Variants in AFAP1 observed in about 807,000 individuals in gnomAD.
AFAP1 encodes actin filament associated protein 1.
AFAP1 carries 75 observed loss-of-function variants against 93.9 expected under a neutral mutation model. That is an observed-to-expected ratio of 0.80 (90% CI 0.66 to 0.97). The LOEUF is 0.97. Among genes scored for constraint, AFAP1 ranks in the 50% least tolerant of loss-of-function variants. The pLI is 0.00. For missense variants in AFAP1, 1,201 were observed against 1,050.8 expected, an observed-to-expected ratio of 1.14 and a Z score of -1.98; for synonymous variants, 517 against 430.7, an observed-to-expected ratio of 1.20 and a Z score of -2.48.
chr4:7,851,734 T>C (rs1307732603), intron 4 of AFAP1, among the ~76,000 whole-genome samples: 1 of 152,180 alleles, frequency 6.6e-6, no homozygotes, highest in Non-Finnish European at 1.5e-5. Context: ...CCGAGTACCC[T>C]ACCTGCCAAC....
At chr4:7,920,086 G>C (rs571764778) in intron 1 of AFAP1, among the ~76,000 whole-genome samples, 4 of 152,274 alleles carry the variant, frequency 2.6e-5, no homozygotes, top group East Asian at 1.9e-4. Context: ...ACTGTGAACA[G>C]TGCTGCAATG....
In AFAP1 at chr4:7,774,748, C is replaced by T. The variant is rs1222767322; in HGVS notation, c.2053G>A (p.Val685Met). The T allele has an allele frequency of 1.4e-5, 22 of 1,614,194 alleles. No homozygotes were observed. Among genetic ancestry groups the T allele is most frequent in the Non-Finnish European group, 1.9e-5 (22 of 1,180,024 alleles). Residue 685 changes from valine (V) to methionine (M), a missense_variant, in exon 15 of 18, where the codon GTG becomes ATG. Val to Met is a conservative substitution (Grantham distance 21). Coordinates refer to ENST00000420658, the MANE Select transcript of AFAP1 (RefSeq NM_001134647.2). ...ERKDLRAAIE[V>M]NAGRKPQAIL... is the part of the protein sequence containing the mutation. ...CCCACACCCTTCATACCGGCGTTCACTTCAATAGCCGCTCGAAGGTCTTTT... is the reference window on the plus strand; with the variant it reads ...CCCACACCCTTCATACCGGCGTTCATTTCAATAGCCGCTCGAAGGTCTTTT...
chr4:7,906,789 G>A (rs1013917204), intron 1 of AFAP1, among the ~76,000 whole-genome samples: 27 of 152,236 alleles, frequency 1.8e-4, no homozygotes, highest in African/African-American at 6.3e-4. Flanking sequence ...GGGAAGCCAA[G>A]GCGGGTGGAT....
chr4:7,817,575 G>A (rs907008094), intron 7 of AFAP1, among the ~76,000 whole-genome samples: 12 of 152,010 alleles, frequency 7.9e-5, no homozygotes, highest in African/African-American at 2.9e-4. Context: ...TGGGCAACAA[G>A]GGCAAAACTC....
chr4:7,803,532 G>T (rs540643336), intron 9 of AFAP1, among the ~76,000 whole-genome samples: 14 of 152,008 alleles, frequency 9.2e-5, no homozygotes, highest in East Asian at 2.0e-4. Context: ...AACCACAGGG[G>T]ACCCGGCCCC....
intron 1 of AFAP1, among the ~76,000 whole-genome samples, chr4:7,929,171 G>T (rs888179985): frequency 6.6e-6 from 1 of 151,978 alleles, no homozygotes; most frequent in Non-Finnish European, 1.5e-5. Context: ...CCTGCCCCCT[G>T]TACAACAGCT....
Position 7,892,868 on chromosome 4 carries a change from T to C in AFAP1, c.-2-20788A>G, listed in dbSNP as rs1271920176. ...GGGAGCAGCGGGGTGGGGGATCCTATAGGAAAAAGGCGGATGAAAATACCC... is the reference window on the plus strand; with the variant it reads ...GGGAGCAGCGGGGTGGGGGATCCTACAGGAAAAAGGCGGATGAAAATACCC... On this transcript the variant is annotated intron_variant, in intron 1 of 17. Transcript: ENST00000420658. Among the ~76,000 whole-genome samples the C allele has an allele frequency of 3.3e-5, 5 of 151,652 alleles. No individual in the cohort carries two copies. In the East Asian group the frequency reaches 7.8e-4, roughly 24 times the overall value.
At chr4:7,831,866 TGTC>T (rs1711663953) in intron 6 of AFAP1, among the ~76,000 whole-genome samples, 1 of 152,176 alleles carries the variant, frequency 6.6e-6, no homozygotes, top group Non-Finnish European at 1.5e-5. Context: ...ATTCCATAAT[TGTC>T]GTTCCCTCCT....
intron 1 of AFAP1, among the ~76,000 whole-genome samples, chr4:7,901,081 C>G (rs533361833): frequency 3.9e-5 from 6 of 152,192 alleles, no homozygotes; most frequent in African/African-American, 7.2e-5. Context: ...TGTATAACAG[C>G]AAGAGTACAT....
chr4:7,797,103 A>T (rs986684524), intron 10 of AFAP1, among the ~76,000 whole-genome samples: 1 of 152,170 alleles, frequency 6.6e-6, no homozygotes, highest in Non-Finnish European at 1.5e-5. Context: ...TCCCACTGAT[A>T]TACATACATA....
At chr4:7,781,297 T>G in intron 13 of AFAP1, 79 bp downstream of exon 13, 6 of 1,498,214 alleles carry the variant, frequency 4.0e-6, no homozygotes, top group Non-Finnish European at 4.5e-6. Context: ...TGAGTCCCAT[T>G]TACTACAAGT....
intron 3 of AFAP1, among the ~76,000 whole-genome samples, chr4:7,864,628 T>C (rs1716205651): frequency 6.6e-6 from 1 of 152,148 alleles, no homozygotes. Flanking sequence ...GGCAACAGGC[T>C]CCTCCCTGGG....
At chr4:7,778,637 G>T in intron 14 of AFAP1, 125 bp downstream of exon 14, 1 of 896,440 alleles carries the variant, frequency 1.1e-6, no homozygotes, top group Non-Finnish European at 1.9e-6. Flanking sequence ...AAGGATGACG[G>T]TGCCCACCGC....
chr4:7,773,053 G>A (rs375778261), intron 15 of AFAP1, 43 bp from the exon 16 acceptor site: 14 of 1,582,110 alleles, frequency 8.8e-6, no homozygotes, highest in Non-Finnish European at 1.1e-5. Context: ...GCAGGCACAG[G>A]TTCTCCAAAC....
intron 9 of AFAP1, among the ~76,000 whole-genome samples, chr4:7,805,392 T>C (rs1440064964): frequency 6.6e-6 from 1 of 152,224 alleles, no homozygotes; most frequent in Admixed American, 6.5e-5. Context: ...CTTTCCTTTC[T>C]CTCAGTCTCT....
At chr4:7,787,843 G>A (rs1344983760) in intron 11 of AFAP1, among the ~76,000 whole-genome samples, 4 of 152,116 alleles carry the variant, frequency 2.6e-5, no homozygotes, top group Admixed American at 6.5e-5. Context: ...TCCTGCGCTC[G>A]GTCAGTCTCC....
At chr4:7,884,415 AG>A (rs1453953000) in intron 1 of AFAP1, among the ~76,000 whole-genome samples, 4 of 152,226 alleles carry the variant, frequency 2.6e-5, no homozygotes, top group African/African-American at 9.6e-5. Flanking sequence ...ATAAGAATGC[AG>A]AGATGTCTAA....
intron 1 of AFAP1, among the ~76,000 whole-genome samples, chr4:7,903,948 C>CTT (rs34795279): frequency 2.4e-4 from 34 of 141,686 alleles, no homozygotes; most frequent in African/African-American, 5.9e-4. Context: ...GGTTTAATGT[C>CTT]TTTTTTTTTT....
In AFAP1 at chr4:7,774,814, C is replaced by T; in HGVS notation, c.1987G>A (p.Glu663Lys). ...TGGGCCAGCCTATTCCGCAGGGCCT[C>T]TTTCCTCTTCAGCAGCTCCTCCTCT... ...TKEEELLKRK[E>K]ALRNRLAQLR... The change falls in exon 15 of 18, where the codon GAG becomes AAG. Residue 663 changes from glutamate (E) to lysine (K), a missense_variant. Transcript: ENST00000420658. 4.3e-6 allele frequency: 7 copies of T among 1,614,252 alleles called. No individual in the cohort carries two copies. Among genetic ancestry groups the T allele is most frequent in the Non-Finnish European group, 5.9e-6 (7 of 1,180,042 alleles).
Sources: gnomAD v4.1 joint callset for allele counts (sites outside exome capture counted in the v4.1 genomes callset) on GRCh38, gnomAD v4.1.1 for gene constraint, MANE v1.5 for transcripts, NCBI Gene and HGNC (gene_info 2026-07-23, HGNC 2026-07-21) for gene names.